PRMT8: variants seen among roughly 807,000 people sequenced by gnomAD.
The protein encoded by PRMT8 is protein arginine methyltransferase 8.
PRMT8 carries 7 observed loss-of-function variants against 47.1 expected under a neutral mutation model. The observed-to-expected ratio is 0.15, with a 90% CI of 0.08 to 0.28. The LOEUF (loss-of-function observed/expected upper bound fraction) is 0.28. Ranked by LOEUF, PRMT8 falls within the 10% of genes least tolerant of loss-of-function variation. The pLI, the probability that PRMT8 is intolerant of heterozygous loss-of-function variation, is 1.00. For missense variants in PRMT8, 237 were observed against 505.4 expected, an observed-to-expected ratio of 0.47 and a Z score of 5.09; for synonymous variants, 188 against 186.5, an observed-to-expected ratio of 1.01 and a Z score of -0.07.
intron 1 of PRMT8, among the ~76,000 whole-genome samples, chr12:3,496,498 A>T (rs1865512965): frequency 6.6e-6 from 1 of 151,772 alleles, no homozygotes; most frequent in South Asian, 2.1e-4. Context: ...TTCTCTGAGG[A>T]TGGTCTTCAT....
upstream of PRMT8, among the ~76,000 whole-genome samples, chr12:3,488,541 T>G (rs189901710): frequency 3.0e-4 from 45 of 152,294 alleles, 1 homozygote; most frequent in East Asian, 8.3e-3. Context: ...CTACAGAAGA[T>G]CTGTACCTGT....
At chr12:3,404,213 T>C (rs1864350457) in intron 1 of PRMT8, among the ~76,000 whole-genome samples, 1 of 152,206 alleles carries the variant, frequency 6.6e-6, no homozygotes, top group South Asian at 2.1e-4. Flanking sequence ...TCAGAAGTTA[T>C]ACTTTTACTA....
intron 1 of PRMT8, among the ~76,000 whole-genome samples, chr12:3,525,294 G>T (rs1023672020): frequency 6.6e-6 from 1 of 152,198 alleles, no homozygotes; most frequent in African/African-American, 2.4e-5. Flanking sequence ...CCCTTAGTTT[G>T]TGGGTGTCAG....
At chr12:3,473,901 G>A (rs748795129) in intron 1 of PRMT8, among the ~76,000 whole-genome samples, 12 of 151,878 alleles carry the variant, frequency 7.9e-5, no homozygotes, top group African/African-American at 1.7e-4. Context: ...TCATTGTCCC[G>A]TCTGCCCACC....
chr12:3,556,972 G>A (rs921864222), intron 4 of PRMT8, among the ~76,000 whole-genome samples: 1 of 152,202 alleles, frequency 6.6e-6, no homozygotes, highest in African/African-American at 2.4e-5. Context: ...GGGGAAAGTG[G>A]GGAGTGTGGG....
In PRMT8 at chr12:3,381,379, A is replaced by G. The variant is rs546381025; in HGVS notation, c.-16A>G. ...TGCACCAGGGAGGCTTGCTGTTTGA[A>G]TGTGTGCCAGGTTGAATGGAGTCTC... On this transcript the variant is annotated 5_prime_UTR_variant, in exon 1 of 10. Transcript: ENST00000452611. 354 of 1,536,028 alleles carry G rather than the reference A, an allele frequency of 2.3e-4. 4 individuals carry two copies. Among genetic ancestry groups the G allele is most frequent in the South Asian group, 2.0e-3 (167 of 84,056 alleles).
chr12:3,583,249 A>G lies in PRMT8; in HGVS notation c.979+41A>G, dbSNP rs769830424. 3.2e-6 allele frequency: 5 copies of G among 1,570,040 alleles called. No homozygotes were observed. In the African/African-American group the frequency reaches 4.0e-5, roughly 13 times the overall value. ...CTTCCCAGAGCCTCCTCCCTCTCCC[A>G]TGCTTCCTCAAGTCTTTGTGGGGTG... is the stretch of plus-strand genomic sequence containing the variant. On this transcript the variant is annotated intron_variant, in intron 8 of 9. Coordinates refer to ENST00000382622, the MANE Select transcript of PRMT8 (RefSeq NM_019854.5). The surrounding 1 kb of genome is among the most constrained non-coding windows in gnomAD (Gnocchi z 4.7).
intron 6 of PRMT8, among the ~76,000 whole-genome samples, chr12:3,571,092 A>G (rs1003841254): frequency 3.9e-5 from 6 of 152,192 alleles, no homozygotes; most frequent in African/African-American, 1.2e-4. Flanking sequence ...ACATATATTA[A>G]AGGACGTGAC....
In PRMT8 at chr12:3,491,737, C is replaced by A. The variant is rs768626740; in HGVS notation, c.75+37C>A. 3 of 1,578,778 alleles carry A rather than the reference C, an allele frequency of 1.9e-6. No homozygotes were observed. In the South Asian group the frequency reaches 3.4e-5, roughly 18 times the overall value. On this transcript the variant is annotated intron_variant, in intron 1 of 9. Coordinates refer to ENST00000382622, the MANE Select transcript of PRMT8 (RefSeq NM_019854.5). ...AGCGAGCAGGGGCTCTCGGAGACCC[C>A]GCCGCCCACCCGGACCACCGCGCCG...
chr12:3,451,084 C>A (rs896240993), intron 1 of PRMT8, among the ~76,000 whole-genome samples: 2 of 131,190 alleles, frequency 1.5e-5, no homozygotes, highest in African/African-American at 5.7e-5. Context: ...CCCAGGGATG[C>A]CTAGAACACA....
At chr12:3,381,364 A>G in exon 1 of PRMT8, 1 of 1,534,808 alleles carries the variant, frequency 6.5e-7, no homozygotes, top group Non-Finnish European at 8.7e-7. Context: ...TGCACCAGGG[A>G]GGCTTGCTGT....
chr12:3,384,072 G>A (rs940867027), intron 1 of PRMT8, among the ~76,000 whole-genome samples: 6 of 151,872 alleles, frequency 4.0e-5, no homozygotes, highest in African/African-American at 1.5e-4. Context: ...TCCTATTCTT[G>A]TCTTATTGCA....
intron 4 of PRMT8, among the ~76,000 whole-genome samples, chr12:3,558,192 C>G (rs980528408): frequency 1.3e-5 from 2 of 152,058 alleles, no homozygotes; most frequent in African/African-American, 4.8e-5. Context: ...ACACAGCCCC[C>G]TCATCATCCT....
chr12:3,449,701 T>C (rs910331442), intron 1 of PRMT8, among the ~76,000 whole-genome samples: 2 of 152,230 alleles, frequency 1.3e-5, no homozygotes, highest in African/African-American at 2.4e-5. Flanking sequence ...ACTCTGATGA[T>C]AGTTTCTTTT....
intron 1 of PRMT8, among the ~76,000 whole-genome samples, chr12:3,476,328 A>C (rs757034556): frequency 3.3e-5 from 5 of 152,076 alleles, no homozygotes; most frequent in Non-Finnish European, 5.9e-5. Flanking sequence ...GGTGCCAGAC[A>C]CGTGGGCTTG....
At chr12:3,464,498 A>G (rs146991444) in intron 1 of PRMT8, among the ~76,000 whole-genome samples, 19 of 152,274 alleles carry the variant, frequency 1.2e-4, no homozygotes, top group African/African-American at 4.6e-4. Flanking sequence ...TTTTTCAGGC[A>G]TGGAGTGGGG....
chr12:3,415,901 T>C (rs926302178), intron 1 of PRMT8, among the ~76,000 whole-genome samples: 1 of 152,162 alleles, frequency 6.6e-6, no homozygotes, highest in African/African-American at 2.4e-5. Flanking sequence ...GTGGAGTAAA[T>C]GTGAGCTGGG....
At chr12:3,443,522 A>C (rs1389169760) in intron 1 of PRMT8, among the ~76,000 whole-genome samples, 3 of 152,052 alleles carry the variant, frequency 2.0e-5, no homozygotes, top group African/African-American at 7.2e-5. Context: ...GAATGGATAC[A>C]CTTCCCTCCC....
In PRMT8 at chr12:3,531,878, T is replaced by C. The variant is rs527633084; in HGVS notation, c.76-8728T>C. On this transcript the variant is annotated intron_variant, in intron 1 of 9. Transcript: ENST00000382622. ...CGGCTCTGGGAATCTTGGTTGGCTC[T>C]GAGATGGCAGCACCAGGCTGCCATC... 5.9e-5 allele frequency among the ~76,000 whole-genome samples: 9 copies of C among 152,338 alleles called. No individual in the cohort carries two copies. In the East Asian group the frequency reaches 1.7e-3, roughly 29 times the overall value.
Sources: allele counts gnomAD v4.1 joint callset (sites outside exome capture counted in the v4.1 genomes callset), GRCh38; gene constraint gnomAD v4.1.1; non-coding constraint Gnocchi (gnomAD v3.1); transcripts MANE v1.5; gene names NCBI Gene and HGNC (gene_info 2026-07-23, HGNC 2026-07-21).